Variants in MTBP observed in about 807,000 individuals in gnomAD.
MTBP encodes the protein MDM2 binding protein, also known as mdm2-binding protein.
MTBP carries 101 observed loss-of-function variants against 117.0 expected under a neutral mutation model. The observed-to-expected ratio is 0.86, with a 90% CI of 0.73 to 1.02. The LOEUF (loss-of-function observed/expected upper bound fraction) is 1.02, where lower values mean the gene tolerates loss of function less well. Ranked by LOEUF, MTBP falls within the 50% of genes least tolerant of loss-of-function variation. The probability of loss-of-function intolerance (pLI) is 0.00; values close to 1 mark genes in which losing one functional copy is unlikely to be tolerated. For missense variants in MTBP, 970 were observed against 1,030.9 expected (o/e 0.94, Z 0.81); for synonymous variants, 350 against 351.5 (o/e 1.00, Z 0.05).
chr8:120,445,543 C>G lies in MTBP; in HGVS notation c.73C>G (p.His25Asp). The change falls in exon 1 of 22, where the codon CAT (histidine) becomes GAT (aspartate). Residue 25 changes from histidine to aspartate, a missense_variant. Coordinates refer to ENST00000305949, the MANE Select transcript of MTBP (RefSeq NM_022045.5). ...FPSAASREAE[H>D]GPEVSSGEGT... is the part of the protein sequence containing the mutation. ...GTCGGCGGCCAGTAGGGAGGCAGAACATGGGCCAGAGGTGTCGTCGGGTGA... is the reference window on the plus strand; with the variant it reads ...GTCGGCGGCCAGTAGGGAGGCAGAAGATGGGCCAGAGGTGTCGTCGGGTGA... 6.2e-7 allele frequency: 1 copy of G among 1,613,654 alleles called. No homozygotes were observed. The highest frequency in any genetic ancestry group is 8.5e-7 in the Non-Finnish European group (1 of 1,179,810).
chr8:120,499,997 G>A (rs1204765168), intron 14 of MTBP, among the ~76,000 whole-genome samples: 5 of 152,090 alleles, frequency 3.3e-5, no homozygotes, highest in Admixed American at 2.0e-4. Context: ...TTATTAATTT[G>A]CAATATAACA....
chr8:120,471,134 A>C, intron 11 of MTBP, 197 bp downstream of exon 11: 1 of 458,558 alleles, frequency 2.2e-6, no homozygotes, highest in Non-Finnish European at 3.8e-6. Context: ...ATATTCATTT[A>C]AAATGCTAGT....
At chr8:120,481,417 A>T (rs960500156) in intron 11 of MTBP, among the ~76,000 whole-genome samples, 3 of 150,826 alleles carry the variant, frequency 2.0e-5, no homozygotes, top group African/African-American at 7.3e-5. Flanking sequence ...CTTGGAAACT[A>T]TGCAAATATT....
At chr8:120,490,696 CTA>C (rs1814326119) in intron 13 of MTBP, 126 bp downstream of exon 13, 2 of 589,976 alleles carry the variant, frequency 3.4e-6, no homozygotes, top group Non-Finnish European at 5.8e-6. Flanking sequence ...AATTATAGAA[CTA>C]TTTTTGAAAG....
At chr8:120,459,397 T>G in intron 8 of MTBP, 48 bp downstream of exon 8, 1 of 1,542,644 alleles carries the variant, frequency 6.5e-7, no homozygotes, top group Non-Finnish European at 8.8e-7. Context: ...GTATTTTTGT[T>G]CCTATAAAAT....
At chr8:120,449,782 C>T (rs1329186209) in intron 2 of MTBP, among the ~76,000 whole-genome samples, 1 of 152,142 alleles carries the variant, frequency 6.6e-6, no homozygotes, top group African/African-American at 2.4e-5. Context: ...TGATTCTTCT[C>T]TTATGCTGAG....
At chr8:120,512,108 A>G (rs183133334) in intron 17 of MTBP, among the ~76,000 whole-genome samples, 38 of 152,306 alleles carry the variant, frequency 2.5e-4, no homozygotes, top group African/African-American at 8.9e-4. Context: ...AAACTAATTA[A>G]AAATTTTAGG....
intron 11 of MTBP, chr8:120,472,676 A>T (rs1813845392): frequency 6.6e-6 from 1 of 152,194 alleles, no homozygotes; most frequent in Non-Finnish European, 1.5e-5. Flanking sequence ...ATGGTGGCTC[A>T]GGACAAACAT....
chr8:120,467,176 A>G (rs1214714112), intron 10 of MTBP, among the ~76,000 whole-genome samples: 1 of 152,226 alleles, frequency 6.6e-6, no homozygotes, highest in Admixed American at 6.5e-5. Flanking sequence ...AGGAAAAGAC[A>G]AGATAGGATT....
intron 6 of MTBP, 57 bp downstream of exon 6, chr8:120,455,636 C>T: frequency 6.7e-7 from 1 of 1,496,984 alleles, no homozygotes; most frequent in South Asian, 1.2e-5. Flanking sequence ...TCACAATTAA[C>T]ATACTATTCT....
intron 2 of MTBP, among the ~76,000 whole-genome samples, chr8:120,448,039 C>T (rs1259966248): frequency 6.6e-6 from 1 of 152,064 alleles, no homozygotes; most frequent in East Asian, 1.9e-4. Context: ...TGTCACTATC[C>T]TCCTACCTTA....
At chr8:120,507,815 C>T (rs1019500782) in intron 16 of MTBP, among the ~76,000 whole-genome samples, 2 of 151,950 alleles carry the variant, frequency 1.3e-5, no homozygotes, top group East Asian at 1.9e-4. Context: ...TTTCCCATAA[C>T]TTTGAAAGAT....
At chr8:120,517,796 C>T (rs996830089) in intron 18 of MTBP, 55 bp from the exon 19 acceptor site, 8 of 1,522,510 alleles carry the variant, frequency 5.3e-6, no homozygotes, top group Non-Finnish European at 7.1e-6. Flanking sequence ...AGAAAATGAA[C>T]TTCGATGTTG....
In MTBP at chr8:120,506,737, T is replaced by C. The variant is rs148469883; in HGVS notation, c.1759T>C (p.Leu587=). The change falls in exon 16 of 22, where the codon TTG becomes CTG. Residue 587 remains leucine (L), a synonymous_variant. Transcript: ENST00000305949. The part of the protein sequence containing the change: ...TGSLPHSSEQ[L]LGHKEGPRDS... Reference sequence around the variant, plus strand: ...TTCATTACCTCATTCATCTGAACAGTTGCTGGGCCACAAAGAGGGTCCTCG... The same window carrying C: ...TTCATTACCTCATTCATCTGAACAGCTGCTGGGCCACAAAGAGGGTCCTCG... 24 of 1,612,778 alleles carry C rather than the reference T, an allele frequency of 1.5e-5. No homozygotes were observed. The highest frequency in any genetic ancestry group is 6.7e-5 in the Admixed American group (4 of 59,780).
At chr8:120,507,109 C>T (rs1191835842) in intron 16 of MTBP, among the ~76,000 whole-genome samples, 1 of 151,988 alleles carries the variant, frequency 6.6e-6, no homozygotes, top group Non-Finnish European at 1.5e-5. Flanking sequence ...CTGTAGAAGT[C>T]AGTAACTTCT....
In MTBP at chr8:120,455,453, T is replaced by C. The variant is rs746932822; in HGVS notation, c.503T>C (p.Ile168Thr). 1.9e-6 allele frequency: 3 copies of C among 1,608,336 alleles called. No homozygotes were observed. The highest frequency in any genetic ancestry group is 2.2e-5 in the South Asian group (2 of 90,708). ...LPAPGRAMVD[I>T]ILLLSDKDPP... ...TTTCTAGGTAGAGCAATGGTAGATA[T>C]AATACTGTTGCTTTCTGACAAAGAT... The change falls in exon 6 of 22, where the codon ATA becomes ACA. Residue 168 changes from isoleucine to threonine, a missense_variant. Coordinates refer to ENST00000305949, the MANE Select transcript of MTBP (RefSeq NM_022045.5).
intron 4 of MTBP, 116 bp downstream of exon 4, chr8:120,451,438 A>G (rs1478374416): frequency 1.1e-6 from 1 of 900,926 alleles, no homozygotes; most frequent in Non-Finnish European, 1.6e-6. Flanking sequence ...ACTCTAGTTA[A>G]TTGAAATTTT....
At chr8:120,460,371 GAC>G (rs1403243558) in intron 8 of MTBP, among the ~76,000 whole-genome samples, 1 of 152,018 alleles carries the variant, frequency 6.6e-6, no homozygotes, top group African/African-American at 2.4e-5. Context: ...TATATGTATA[GAC>G]ACACACACTG....
chr8:120,471,170 A>C (rs1480720147), intron 11 of MTBP: 1 of 362,328 alleles, frequency 2.8e-6, no homozygotes, highest in Non-Finnish European at 4.9e-6. Context: ...CTCTTGGTTC[A>C]TTAGATAGCT....
Sources: gnomAD v4.1 joint callset for allele counts (sites outside exome capture counted in the v4.1 genomes callset) on GRCh38, gnomAD v4.1.1 for gene constraint, MANE v1.5 for transcripts, NCBI Gene and HGNC (gene_info 2026-07-23, HGNC 2026-07-21) for gene names.